Variants in C17orf67 observed in about 807,000 individuals in gnomAD.
C17orf67 encodes chromosome 17 open reading frame 67, also known as uncharacterized protein C17orf67.
A neutral mutation model predicts 11.2 loss-of-function variants in C17orf67; 12 were observed. That is an observed-to-expected ratio of 1.07 (90% CI 0.68 to 1.73). The LOEUF is 1.73. C17orf67 is among the 40% of genes most tolerant of loss of function. C17orf67 has a pLI of 0.00. For missense variants in C17orf67, 115 were observed against 113.5 expected, an observed-to-expected ratio of 1.01 and a Z score of -0.06; for synonymous variants, 59 against 46.9, an observed-to-expected ratio of 1.26 and a Z score of -1.05.
rs1336824406 is a variant in C17orf67, at chr17:56,809,654, TCA to T, written c.156+5213_156+5214del. Among the ~76,000 whole-genome samples, 11 of 109,004 alleles carry T rather than the reference TCA, an allele frequency of 1.0e-4. No individual in the cohort carries two copies. In the South Asian group the frequency reaches 1.7e-3, roughly 17 times the overall value. The allele number at this position is 109,004 out of a possible 152,430, so 71.5% of individuals were successfully genotyped here. On this transcript the variant is annotated intron_variant, in intron 6 of 7. Transcript: ENST00000397861. The stretch of plus-strand genomic sequence containing the variant: ...ACACACACCCTCACACACAGACCCC[TCA>T]CAGACTGCTCACACACAGACCCTCA...
rs138437569 is a variant in C17orf67, at chr17:56,818,253, T to C, written c.-200-2243A>G. On this transcript the variant is annotated intron_variant, in intron 4 of 7. Coordinates refer to ENST00000397861, the MANE Select transcript of C17orf67 (RefSeq NM_001085430.4). ...TTTTCACTCCTTTTACTCTTTGTGG[T>C]TGGATAGAACACTATTTTGTTTTAT... is the stretch of plus-strand genomic sequence containing the variant. Among the ~76,000 whole-genome samples, 934 of 152,346 alleles carry C rather than the reference T, an allele frequency of 6.1e-3. 8 individuals carry two copies. The highest frequency in any genetic ancestry group is 0.017 in the Middle Eastern group (5 of 294).
At chr17:56,826,408 C>T (rs1348694918) in intron 2 of C17orf67, among the ~76,000 whole-genome samples, 2 of 152,228 alleles carry the variant, frequency 1.3e-5, no homozygotes, top group African/African-American at 2.4e-5. Flanking sequence ...CTCATCTAAC[C>T]TGAGCCCAAG....
chr17:56,815,795 C>T lies in C17orf67; in HGVS notation c.16G>A (p.Val6Met), dbSNP rs1905746822. The change falls in exon 5 of 8, where the codon GTG becomes ATG. Residue 6 changes from valine to methionine, a missense_variant. By Grantham distance (21) the Val-to-Met change is conservative. Coordinates refer to ENST00000397861, the MANE Select transcript of C17orf67 (RefSeq NM_001085430.4). MKTLP[V>M]LVLSLTLLTV... is the part of the protein sequence containing the mutation. The stretch of plus-strand genomic sequence containing the variant: ...AGTAAGGTAAGAGACAGCACGAGCA[C>T]AGGCAATGTCTTCATCCTGCCTTGG... 1 of 1,613,920 alleles carries T rather than the reference C, an allele frequency of 6.2e-7. No homozygotes were observed. The highest frequency in any genetic ancestry group is 8.5e-7 in the Non-Finnish European group (1 of 1,179,874).
In C17orf67 at chr17:56,814,939, G is replaced by C; in HGVS notation, c.86C>G (p.Ala29Gly). 1 of 1,614,096 alleles carries C rather than the reference G, an allele frequency of 6.2e-7. No individual in the cohort carries two copies. Among genetic ancestry groups the C allele is most frequent in the South Asian group, 1.1e-5 (1 of 91,074 alleles). The change falls in exon 6 of 8, where the codon GCC becomes GGC. Residue 29 changes from alanine to glycine, a missense_variant. Coordinates refer to ENST00000397861, the MANE Select transcript of C17orf67 (RefSeq NM_001085430.4). ...TCGCCGAGATCTTAGGAGCTGTTTG[G>C]CCTGCTTCTCTGTCAAAATCGGGGA... ...ETSPILTEKQ[A>G]KQLLRSRRQD... is the part of the protein sequence containing the mutation.
intron 2 of C17orf67, among the ~76,000 whole-genome samples, chr17:56,832,409 CA>C (rs1472728799): frequency 1.3e-5 from 2 of 152,162 alleles, no homozygotes; most frequent in African/African-American, 4.8e-5. Context: ...ACAACAACAA[CA>C]AAAAACTAAA....
chr17:56,799,420 G>A (rs2144114942), intron 6 of C17orf67, among the ~76,000 whole-genome samples: 1 of 152,284 alleles, frequency 6.6e-6, no homozygotes, highest in African/African-American at 2.4e-5. Flanking sequence ...AGCTCATTTT[G>A]TTTTAGGGTT....
At chr17:56,831,059 G>A (rs957087520) in intron 2 of C17orf67, among the ~76,000 whole-genome samples, 28 of 152,214 alleles carry the variant, frequency 1.8e-4, no homozygotes, top group Non-Finnish European at 5.9e-5. Context: ...GAGAATGGAG[G>A]GGTTTTCCCC....
chr17:56,809,665 TCA>T lies in C17orf67; in HGVS notation c.156+5202_156+5203del, dbSNP rs762308406. On this transcript the variant is annotated intron_variant, in intron 6 of 7. Transcript: ENST00000397861. ...CACACACAGACCCCTCACAGACTGC[TCA>T]CACACAGACCCTCACACACACCTAT... is the stretch of plus-strand genomic sequence containing the variant. Among the ~76,000 whole-genome samples the T allele has an allele frequency of 7.0e-5, 8 of 114,326 alleles. No homozygotes were observed. The East Asian group carries it at 8.8e-4, about 13-fold the overall frequency. The allele number at this position is 114,326 out of a possible 152,430, so 75.0% of individuals were successfully genotyped here. A position where few individuals can be genotyped will look rare whatever the true frequency, so the allele number is the denominator to read the frequency against.
At chr17:56,792,640 G>GTGC in intron 7 of C17orf67, among the ~76,000 whole-genome samples, 1 of 149,206 alleles carries the variant, frequency 6.7e-6, no homozygotes, top group Middle Eastern at 3.4e-3. Context: ...TGTGGTGGTG[G>GTGC]TGGTGATGGT....
At chr17:56,827,107 TA>T (rs1211510411) in intron 2 of C17orf67, among the ~76,000 whole-genome samples, 1 of 152,246 alleles carries the variant, frequency 6.6e-6, no homozygotes, top group African/African-American at 2.4e-5. Context: ...TTCTTTAGTA[TA>T]TAACATTCTC....
At chr17:56,792,697 GCAA>G in intron 7 of C17orf67, among the ~76,000 whole-genome samples, 1 of 96,656 alleles carries the variant, frequency 1.0e-5, no homozygotes, top group Non-Finnish European at 2.3e-5. Flanking sequence ...GATGATGGTG[GCAA>G]TGGTGACGAT....
rs561684412 is a variant in C17orf67 at position 56,810,156 on chromosome 17, A to ACC, written c.156+4711_156+4712dup. ...CAGACCCCTCACGCACACCCCTCAC[A>ACC]CCCCCACCTCACACACACTCCTTGA... On this transcript the variant is annotated intron_variant, in intron 6 of 7. Transcript: ENST00000397861. Among the ~76,000 whole-genome samples, 6 of 102,252 alleles carry ACC rather than the reference A, an allele frequency of 5.9e-5. 1 individual carries two copies. Among genetic ancestry groups the ACC allele is most frequent in the South Asian group, 6.5e-4 (2 of 3,064 alleles). The allele number at this position is 102,252 out of a possible 152,430, so 67.1% of individuals were successfully genotyped here. A position where few individuals can be genotyped will look rare whatever the true frequency, so the allele number is the denominator to read the frequency against.
At chr17:56,799,408 A>G (rs940936428) in intron 6 of C17orf67, among the ~76,000 whole-genome samples, 4 of 152,180 alleles carry the variant, frequency 2.6e-5, no homozygotes, top group African/African-American at 9.7e-5. Flanking sequence ...CCGTGGCTTG[A>G]TAGCTCATTT....
intron 6 of C17orf67, among the ~76,000 whole-genome samples, chr17:56,809,612 C>A (rs569202184): frequency 5.7e-5 from 8 of 140,238 alleles, no homozygotes; most frequent in African/African-American, 1.6e-4. Flanking sequence ...ACAACCCTCA[C>A]GCGCACACAC....
chr17:56,803,956 C>T (rs1184221869), intron 6 of C17orf67: 1 of 152,182 alleles, frequency 6.6e-6, no homozygotes, highest in Non-Finnish European at 1.5e-5. Context: ...CTGAAAACCA[C>T]AAATTCAACA....
At chr17:56,808,815 T>C (rs1446482572) in intron 6 of C17orf67, among the ~76,000 whole-genome samples, 1 of 152,230 alleles carries the variant, frequency 6.6e-6, no homozygotes, top group Non-Finnish European at 1.5e-5. Context: ...TGTATAAACA[T>C]GGCTCAGTAG....
chr17:56,802,999 C>T (rs550775772), intron 6 of C17orf67, among the ~76,000 whole-genome samples: 28 of 152,312 alleles, frequency 1.8e-4, no homozygotes, highest in African/African-American at 6.0e-4. Flanking sequence ...ATTCTATTAG[C>T]GGTCATCGTA....
intron 4 of C17orf67, among the ~76,000 whole-genome samples, chr17:56,819,364 C>T (rs1905842166): frequency 1.3e-5 from 2 of 152,192 alleles, no homozygotes; most frequent in South Asian, 4.1e-4. Flanking sequence ...GTTCCCTGCC[C>T]CCACCACCAC....
chr17:56,818,519 T>G (rs1905817607), intron 4 of C17orf67, among the ~76,000 whole-genome samples: 1 of 152,144 alleles, frequency 6.6e-6, no homozygotes, highest in African/African-American at 2.4e-5. Flanking sequence ...AACAAGACCC[T>G]GTCTCCAAAA....
Sources: allele counts gnomAD v4.1 joint callset (sites outside exome capture counted in the v4.1 genomes callset), GRCh38; gene constraint gnomAD v4.1.1; transcripts MANE v1.5; gene names NCBI Gene and HGNC (gene_info 2026-07-23, HGNC 2026-07-21).